The following EML4 variants were observed in gnomAD, a reference collection of about 807,000 sequenced individuals.
EML4 encodes echinoderm microtubule-associated protein-like 4.
In EML4, 72 loss-of-function variants were observed where a neutral mutation model predicts 129.0. That is an observed-to-expected ratio of 0.56 (90% CI 0.46 to 0.68). EML4 has a LOEUF of 0.68. EML4 is among the 30% of genes least tolerant of loss of function. EML4 has a pLI of 0.00. For missense variants in EML4, 1,363 were observed against 1,190.6 expected (o/e 1.14, Z -2.13); for synonymous variants, 532 against 405.0 (o/e 1.31, Z -3.77).
At chr2:42,324,946 T>C (rs1010053707) in intron 19 of EML4, among the ~76,000 whole-genome samples, 18 of 152,222 alleles carry the variant, frequency 1.2e-4, no homozygotes, top group African/African-American at 4.1e-4. Context: ...TGGGTGAATT[T>C]TCCCCAAAAC....
At chr2:42,252,085 A>G (rs893423659) in intron 2 of EML4, among the ~76,000 whole-genome samples, 2 of 152,222 alleles carry the variant, frequency 1.3e-5, no homozygotes, top group Non-Finnish European at 2.9e-5. Context: ...AGATGCAAGA[A>G]TAAGAAGATA....
intron 18 of EML4, among the ~76,000 whole-genome samples, chr2:42,317,044 G>A (rs1258932509): frequency 6.6e-6 from 1 of 152,150 alleles, no homozygotes; most frequent in East Asian, 1.9e-4. Flanking sequence ...CAAAAGAAAG[G>A]AATATGGTGT....
intron 1 of EML4, among the ~76,000 whole-genome samples, chr2:42,174,950 G>C (rs985031329): frequency 6.6e-6 from 1 of 150,932 alleles, no homozygotes; most frequent in Non-Finnish European, 1.5e-5. Flanking sequence ...CCTAGTAGCT[G>C]GGATTACAGG....
intron 3 of EML4, among the ~76,000 whole-genome samples, chr2:42,259,714 C>G (rs1471357850): frequency 9.0e-6 from 1 of 110,606 alleles, no homozygotes; most frequent in African/African-American, 3.4e-5. Flanking sequence ...GATTTTGTTT[C>G]TTTCTTTCTT....
At chr2:42,181,012 A>G (rs982254164) in intron 1 of EML4, among the ~76,000 whole-genome samples, 9 of 152,190 alleles carry the variant, frequency 5.9e-5, no homozygotes, top group African/African-American at 2.2e-4. Flanking sequence ...ATGCCACAGA[A>G]GTGAAGCTGT....
chr2:42,237,307 T>C (rs544489835), intron 1 of EML4, among the ~76,000 whole-genome samples: 119 of 152,332 alleles, frequency 7.8e-4, no homozygotes, highest in African/African-American at 2.6e-3. Context: ...TTTCTCTCTT[T>C]ATTATGTCTT....
At position 42,295,251 on chromosome 2, in the gene EML4, A is replaced by G; in HGVS notation, c.1345A>G (p.Ile449Val). The G allele has an allele frequency of 1.2e-6, 2 of 1,613,144 alleles. No individual in the cohort carries two copies. Among genetic ancestry groups the G allele is most frequent in the Non-Finnish European group, 1.7e-6 (2 of 1,179,758 alleles). ...SGNSLTRKQG[I>V]FGKYEKPKFV... The stretch of plus-strand genomic sequence containing the variant: ...CAATTCACTAACAAGAAAACAGGGA[A>G]TTTTTGGGGTAAGAATCAGATTGTT... The change falls in exon 12 of 23, where the codon ATT becomes GTT. Residue 449 changes from isoleucine (I) to valine (V), a missense_variant. Ile to Val is a conservative substitution (Grantham distance 29). Transcript: ENST00000318522.
chr2:42,212,909 G>T (rs1185023364), intron 1 of EML4, among the ~76,000 whole-genome samples: 1 of 152,152 alleles, frequency 6.6e-6, no homozygotes, highest in Non-Finnish European at 1.5e-5. Flanking sequence ...TTCCAGTCCT[G>T]GCTGTGCCCT....
chr2:42,205,616 G>T (rs1243270769), intron 1 of EML4, among the ~76,000 whole-genome samples: 1 of 152,134 alleles, frequency 6.6e-6, no homozygotes, highest in East Asian at 1.9e-4. Flanking sequence ...AGATCTGTTA[G>T]TGCAAAAAGA....
At chr2:42,316,802 T>A (rs1004588107) in intron 18 of EML4, among the ~76,000 whole-genome samples, 2 of 152,220 alleles carry the variant, frequency 1.3e-5, no homozygotes, top group Non-Finnish European at 2.9e-5. Context: ...GTAGTATTCT[T>A]TAAATTGAAC....
chr2:42,275,402 C>T (rs1402682036), intron 6 of EML4, among the ~76,000 whole-genome samples: 1 of 152,108 alleles, frequency 6.6e-6, no homozygotes, highest in African/African-American at 2.4e-5. Flanking sequence ...GGAAATGTTT[C>T]CCGAGTTCTA....
Position 42,303,401 on chromosome 2 carries a change from G to A in EML4, c.1854G>A (p.Leu618=). Reference sequence around the variant, plus strand: ...GTGCTCAGGACAGGCAGGTGTGCCTGTGGAACTCAATGGAACACAGGCTGG... The same window carrying A: ...GTGCTCAGGACAGGCAGGTGTGCCTATGGAACTCAATGGAACACAGGCTGG... ...LTCAQDRQVC[L]WNSMEHRLEW... Residue 618 remains leucine (L), a synonymous_variant, in exon 16 of 23, where the codon CTG becomes CTA. Coordinates refer to ENST00000318522, the MANE Select transcript of EML4 (RefSeq NM_019063.5). 1.2e-6 allele frequency: 2 copies of A among 1,614,136 alleles called. No individual in the cohort carries two copies. The highest frequency in any genetic ancestry group is 1.3e-5 in the African/African-American group (1 of 75,042).
At chr2:42,264,538 A>G (rs1049741991) in intron 5 of EML4, among the ~76,000 whole-genome samples, 168 bp from the exon 6 acceptor site, 1 of 152,222 alleles carries the variant, frequency 6.6e-6, no homozygotes, top group Non-Finnish European at 1.5e-5. Flanking sequence ...GTATATTAGT[A>G]GTTCATCAGT....
chr2:42,224,348 A>G (rs1251633889), intron 1 of EML4, among the ~76,000 whole-genome samples: 1 of 152,170 alleles, frequency 6.6e-6, no homozygotes, highest in Non-Finnish European at 1.5e-5. Context: ...TATGTTTTCA[A>G]GATTTCATCC....
chr2:42,296,796 T>C (rs190674625), intron 13 of EML4, among the ~76,000 whole-genome samples: 4 of 152,338 alleles, frequency 2.6e-5, no homozygotes, highest in East Asian at 1.9e-4. Context: ...TGTTTTCTTA[T>C]GACTGCACAG....
At chr2:42,311,912 A>G (rs895290679) in intron 17 of EML4, among the ~76,000 whole-genome samples, 2 of 152,122 alleles carry the variant, frequency 1.3e-5, no homozygotes, top group African/African-American at 2.4e-5. Flanking sequence ...GTCTCGCTAC[A>G]TTGACCAGTC....
chr2:42,263,662 C>A (rs982363388), intron 5 of EML4, among the ~76,000 whole-genome samples: 1 of 151,990 alleles, frequency 6.6e-6, no homozygotes, highest in Non-Finnish European at 1.5e-5. Context: ...CTCCGCCTCC[C>A]AAAGTGCTGG....
intron 1 of EML4, among the ~76,000 whole-genome samples, chr2:42,225,561 C>A (rs1572578215): frequency 6.6e-6 from 1 of 152,116 alleles, no homozygotes; most frequent in Admixed American, 6.5e-5. Flanking sequence ...ATATACTTCC[C>A]TTCAGAATGT....
chr2:42,302,985 T>G lies in EML4; in HGVS notation c.1642-119T>G. On this transcript the variant is annotated intron_variant, in intron 14 of 22. Coordinates refer to ENST00000318522, the MANE Select transcript of EML4 (RefSeq NM_019063.5). The stretch of plus-strand genomic sequence containing the variant: ...TTAGTAGTAGTATGAGATTACCATA[T>G]CCAAATTTGGGCTTTCGTCATAATT... 3.5e-6 allele frequency: 3 copies of G among 862,692 alleles called. No homozygotes were observed. In the East Asian group the frequency reaches 7.4e-5, roughly 21 times the overall value. 53.4% of individuals were successfully genotyped at this position (862,692 alleles called of 1,614,324 possible).
Sources: allele counts gnomAD v4.1 joint callset (sites outside exome capture counted in the v4.1 genomes callset), GRCh38; gene constraint gnomAD v4.1.1; transcripts MANE v1.5; gene names NCBI Gene and HGNC (gene_info 2026-07-23, HGNC 2026-07-21).